Variants in DLC1 observed in about 807,000 individuals in gnomAD.
The protein encoded by DLC1 is DLC1 Rho GTPase activating protein, also known as rho GTPase-activating protein 7.
Under a neutral mutation model 140.3 loss-of-function variants are expected in DLC1, and 54 were observed. The ratio of observed to expected loss-of-function variants is 0.38; its 90% CI spans 0.31 to 0.48. The LOEUF (loss-of-function observed/expected upper bound fraction) is 0.48. Ranked by LOEUF, DLC1 falls within the 20% of genes least tolerant of loss-of-function variation. DLC1 has a pLI of 0.96. For synonymous variants in DLC1, 986 were observed against 728.1 expected (o/e 1.35, Z -5.70); for missense variants, 2,536 against 1,907.0 (o/e 1.33, Z -6.14).
intron 4 of DLC1, among the ~76,000 whole-genome samples, chr8:13,326,714 G>T (rs1279285699): frequency 6.6e-6 from 1 of 152,136 alleles, no homozygotes; most frequent in Non-Finnish European, 1.5e-5. Flanking sequence ...TCATCTACCG[G>T]GCCTGCTCTC....
chr8:13,398,700 G>C (rs1837162005), intron 3 of DLC1, among the ~76,000 whole-genome samples: 1 of 152,030 alleles, frequency 6.6e-6, no homozygotes, highest in Non-Finnish European at 1.5e-5. Flanking sequence ...GGACTAGTAG[G>C]AACAGAGCAA....
intron 1 of DLC1, among the ~76,000 whole-genome samples, chr8:13,597,437 G>A (rs1400590355): frequency 6.6e-6 from 1 of 151,950 alleles, no homozygotes; most frequent in African/African-American, 2.4e-5. Context: ...ATGTTAAAAT[G>A]CATATTAAAA....
chr8:13,326,051 A>T (rs1310854550), intron 4 of DLC1, among the ~76,000 whole-genome samples: 1 of 152,216 alleles, frequency 6.6e-6, no homozygotes, highest in Non-Finnish European at 1.5e-5. Flanking sequence ...AAAATAAATA[A>T]ATAAATACCA....
At chr8:13,420,116 T>C (rs1037982917) in intron 2 of DLC1, among the ~76,000 whole-genome samples, 14 of 152,198 alleles carry the variant, frequency 9.2e-5, no homozygotes, top group African/African-American at 3.4e-4. Context: ...TTTTCTTTAT[T>C]AGTCTTGCTA....
intron 4 of DLC1, among the ~76,000 whole-genome samples, chr8:13,313,732 C>G (rs1216345699): frequency 6.6e-6 from 1 of 152,120 alleles, no homozygotes; most frequent in African/African-American, 2.4e-5. Context: ...GTTTATTTCT[C>G]CTTTATTTAT....
At chr8:13,550,890 A>G (rs1585265342) in intron 1 of DLC1, among the ~76,000 whole-genome samples, 1 of 152,268 alleles carries the variant, frequency 6.6e-6, no homozygotes, top group African/African-American at 2.4e-5. Context: ...CGATTAAAAA[A>G]GAATAATCAT....
chr8:13,089,111 T>G (rs566536934), intron 15 of DLC1, among the ~76,000 whole-genome samples: 2 of 151,242 alleles, frequency 1.3e-5, no homozygotes, highest in South Asian at 4.2e-4. Context: ...ATATGGAAAT[T>G]AGCCAGGCGT....
chr8:13,478,753 A>T lies in DLC1; in HGVS notation c.1023+20296T>A, dbSNP rs113994404. 5.4e-3 allele frequency among the ~76,000 whole-genome samples: 815 copies of T among 152,296 alleles called. 5 individuals carry two copies. Among genetic ancestry groups the T allele is most frequent in the African/African-American group, 0.018 (762 of 41,558 alleles). Reference sequence around the variant, plus strand: ...AAATATCTCCCAATACAATTATTTTAAAAAAATCCCTCTCTGGCTTTCTTT... The same window carrying T: ...AAATATCTCCCAATACAATTATTTTTAAAAAATCCCTCTCTGGCTTTCTTT... On this transcript the variant is annotated intron_variant, in intron 2 of 17. Transcript: ENST00000276297.
At chr8:13,089,642 A>T (rs927940058) in intron 15 of DLC1, among the ~76,000 whole-genome samples, 2 of 152,204 alleles carry the variant, frequency 1.3e-5, no homozygotes, top group Middle Eastern at 3.2e-3. Flanking sequence ...ATAAATAAAT[A>T]AAAACAAAAA....
At chr8:13,498,891 G>T in intron 2 of DLC1, 158 bp downstream of exon 2, 3 of 723,254 alleles carry the variant, frequency 4.1e-6, no homozygotes, top group Non-Finnish European at 6.4e-6. Flanking sequence ...TACATATTTT[G>T]ATGGTTTGAC....
chr8:13,182,299 T>G (rs1390570245), intron 5 of DLC1, among the ~76,000 whole-genome samples: 1 of 152,186 alleles, frequency 6.6e-6, no homozygotes, highest in African/African-American at 2.4e-5. Flanking sequence ...TAGTTTCTTT[T>G]GCTGTGCAGA....
intron 5 of DLC1, among the ~76,000 whole-genome samples, chr8:13,297,391 C>G (rs1832004198): frequency 1.3e-5 from 2 of 150,440 alleles, no homozygotes; most frequent in Admixed American, 1.3e-4. Flanking sequence ...TTGGTCAAGG[C>G]CCAGGCTGGC....
rs1162338180 is a variant in DLC1, at chr8:13,501,993, C to T, written c.-125-1797G>A. ...AAGAGCCGGCTCACTTAAGAAATAC[C>T]AAGTGGTATTACGATGTCACTCCTA... On this transcript the variant is annotated intron_variant, in intron 1 of 17. Transcript: ENST00000276297. 2.0e-5 allele frequency among the ~76,000 whole-genome samples: 3 copies of T among 152,198 alleles called. No homozygotes were observed. In the South Asian group the frequency reaches 6.2e-4, roughly 32 times the overall value.
chr8:13,381,666 C>T lies in DLC1; in HGVS notation c.1314+11887G>A, dbSNP rs936560722. On this transcript the variant is annotated intron_variant, in intron 4 of 17. Transcript: ENST00000276297. ...GCCAGTTTGTAACCACATGAGTATA[C>T]TGTTTTGGAAATGAGCCAGTCAACC... is the stretch of plus-strand genomic sequence containing the variant. Among the ~76,000 whole-genome samples the T allele has an allele frequency of 2.6e-5, 4 of 152,142 alleles. No homozygotes were observed. In the East Asian group the frequency reaches 5.8e-4, roughly 22 times the overall value.
At chr8:13,469,444 G>T (rs1239590225) in intron 2 of DLC1, among the ~76,000 whole-genome samples, 3 of 152,096 alleles carry the variant, frequency 2.0e-5, no homozygotes, top group Non-Finnish European at 4.4e-5. Context: ...GCCTGCAAAA[G>T]GTTGCTTATT....
At chr8:13,601,236 C>G (rs909693973) in intron 1 of DLC1, among the ~76,000 whole-genome samples, 1 of 151,718 alleles carries the variant, frequency 6.6e-6, no homozygotes, top group African/African-American at 2.4e-5. Context: ...TAGGTCTTGT[C>G]TGTGATATTT....
intron 1 of DLC1, chr8:13,568,275 T>C: frequency 8.9e-6 from 2 of 223,590 alleles, no homozygotes; most frequent in East Asian, 1.2e-4. Flanking sequence ...AAATAGTAGA[T>C]GTTTGAAATG....
intron 2 of DLC1, among the ~76,000 whole-genome samples, chr8:13,421,695 T>G (rs1456086931): frequency 6.6e-6 from 1 of 152,194 alleles, no homozygotes; most frequent in Non-Finnish European, 1.5e-5. Context: ...AATAGCCTTT[T>G]GCTTCCAAAA....
In DLC1 at chr8:13,117,678, G is replaced by T. The variant is rs78139075; in HGVS notation, c.1349-2021C>A. On this transcript the variant is annotated intron_variant, in intron 5 of 17. Coordinates refer to ENST00000276297, the MANE Select transcript of DLC1 (RefSeq NM_182643.3). ...AGATTGTTAAAAAGTAAATGTGCTT[G>T]CTTTCTTAATATTTAACTTAATAAG... is the stretch of plus-strand genomic sequence containing the variant. 5.9e-4 allele frequency among the ~76,000 whole-genome samples: 90 copies of T among 152,340 alleles called. 2 individuals carry two copies. In the East Asian group the frequency reaches 0.015, roughly 26 times the overall value.
Sources: gnomAD v4.1 joint callset for allele counts (sites outside exome capture counted in the v4.1 genomes callset) on GRCh38, gnomAD v4.1.1 for gene constraint, MANE v1.5 for transcripts, NCBI Gene and HGNC (gene_info 2026-07-23, HGNC 2026-07-21) for gene names.